SPACA7: variants seen among roughly 807,000 people sequenced by gnomAD.
SPACA7 encodes sperm acrosome-associated protein 7.
Under a neutral mutation model 26.3 loss-of-function variants are expected in SPACA7, and 19 were observed. That is an observed-to-expected ratio of 0.72 (90% confidence interval 0.50 to 1.06). The LOEUF (loss-of-function observed/expected upper bound fraction) is 1.06, where lower values mean the gene tolerates loss of function less well. SPACA7 is among the 50% of genes least tolerant of loss of function. SPACA7 has a pLI of 0.00. For synonymous variants in SPACA7, 84 were observed against 84.5 expected (o/e 0.99, Z 0.04); for missense variants, 211 against 229.9 (o/e 0.92, Z 0.53).
intron 5 of SPACA7, among the ~76,000 whole-genome samples, chr13:112,414,841 A>G (rs915237263): frequency 6.6e-6 from 1 of 152,226 alleles, no homozygotes; most frequent in East Asian, 1.9e-4. Flanking sequence ...TGACGGAGTC[A>G]TATTTTTCTG....
chr13:112,388,965 C>G (rs1884707093), intron 1 of SPACA7, among the ~76,000 whole-genome samples: 1 of 152,114 alleles, frequency 6.6e-6, no homozygotes, highest in Non-Finnish European at 1.5e-5. Flanking sequence ...GCCAGCTGAT[C>G]CATCAAGTGC....
chr13:112,398,945 A>C (rs1477707570), intron 3 of SPACA7, 121 bp from the exon 4 acceptor site: 12 of 671,772 alleles, frequency 1.8e-5, no homozygotes, highest in Non-Finnish European at 2.1e-5. Flanking sequence ...TTCCACATAG[A>C]GCTTGCAAAC....
chr13:112,422,407 A>G (rs1164194433), intron 5 of SPACA7, among the ~76,000 whole-genome samples: 2 of 152,222 alleles, frequency 1.3e-5, no homozygotes, highest in Non-Finnish European at 2.9e-5. Flanking sequence ...ATAAGGACAT[A>G]AAAGGCCAAA....
intron 1 of SPACA7, among the ~76,000 whole-genome samples, chr13:112,383,139 AAGAAAGAAAGAAAGAAAGAAAG>A (rs1566453300): frequency 5.7e-5 from 3 of 52,262 alleles, no homozygotes; most frequent in Non-Finnish European, 3.7e-5. Context: ...GAAAGAAAGA[AAGAAAGAAAGAAAGAAAGAAAG>A]AAAGAAAGAA....
At chr13:112,397,925 G>C (rs764644911) in intron 2 of SPACA7, 124 bp from the exon 3 acceptor site, 1 of 539,024 alleles carries the variant, frequency 1.9e-6, no homozygotes, top group Non-Finnish European at 3.2e-6. Flanking sequence ...TGGGTTCCCG[G>C]AGTTCCTGTT....
chr13:112,388,273 C>G (rs772088503), intron 1 of SPACA7, among the ~76,000 whole-genome samples: 13 of 152,174 alleles, frequency 8.5e-5, no homozygotes, highest in Non-Finnish European at 1.8e-4. Context: ...TGAGAAGTCT[C>G]CCAAACCAGG....
At position 112,432,280 on chromosome 13, in the gene SPACA7, G is replaced by A. The variant is rs117848947; in HGVS notation, c.446-164G>A. On this transcript the variant is annotated intron_variant, in intron 5 of 6. Transcript: ENST00000283550. ...TGGAGGAAATGTTTTTGATGGCCTC[G>A]CCTGAGGCTGTGTCTCGAGAAGCTG... is the stretch of plus-strand genomic sequence containing the variant. Among the ~76,000 whole-genome samples the A allele has an allele frequency of 2.8e-3, 419 of 152,318 alleles. 11 individuals carry two copies. The East Asian group carries it at 0.054, about 20-fold the overall frequency.
At position 112,432,448 on chromosome 13, in the gene SPACA7, G is replaced by A; in HGVS notation, c.450G>A (p.Lys150=). Residue 150 remains lysine (K), a synonymous_variant, in exon 6 of 7, where the codon AAG becomes AAA. Coordinates refer to ENST00000283550, the MANE Select transcript of SPACA7 (RefSeq NM_145248.5). ...GSEKSVSSKE[K]NSKNTQYENL... ...TACTTATTGTTTTCCCCACAGAAAA[G>A]AATTCAAAGAACACTCAGTATGAAA... The A allele has an allele frequency of 6.2e-7, 1 of 1,606,034 alleles. No individual in the cohort carries two copies. Among genetic ancestry groups the A allele is most frequent in the Non-Finnish European group, 8.5e-7 (1 of 1,172,676 alleles).
chr13:112,410,424 G>T (rs1021645582), intron 5 of SPACA7, among the ~76,000 whole-genome samples: 2 of 151,640 alleles, frequency 1.3e-5, no homozygotes, highest in Non-Finnish European at 2.9e-5. Context: ...TTTGTTGTTG[G>T]GTTTTAGGAG....
chr13:112,383,681 T>C lies in SPACA7; in HGVS notation c.94+7202T>C, dbSNP rs576317085. ...TGGGCCTGTTAGAAAGTGACATTTT[T>C]TATTTAGCACAGGTCAGGAACCTTG... On this transcript the variant is annotated intron_variant, in intron 1 of 6. Coordinates refer to ENST00000283550, the MANE Select transcript of SPACA7 (RefSeq NM_145248.5). 2.0e-4 allele frequency among the ~76,000 whole-genome samples: 31 copies of C among 152,346 alleles called. No individual in the cohort carries two copies. In the South Asian group the frequency reaches 6.4e-3, roughly 32 times the overall value.
intron 5 of SPACA7, among the ~76,000 whole-genome samples, chr13:112,423,049 T>A (rs2139051989): frequency 6.6e-6 from 1 of 152,310 alleles, no homozygotes; most frequent in South Asian, 2.1e-4. Context: ...AATTACTATA[T>A]TTTGTAAATA....
intron 1 of SPACA7, chr13:112,378,606 G>A (rs1350193909): frequency 4.3e-6 from 2 of 467,058 alleles, no homozygotes; most frequent in Non-Finnish European, 8.9e-6. Context: ...TTCACATGTG[G>A]TACCTAAAGA....
At chr13:112,405,520 G>A (rs1468599419) in intron 5 of SPACA7, among the ~76,000 whole-genome samples, 1 of 152,056 alleles carries the variant, frequency 6.6e-6, no homozygotes, top group African/African-American at 2.4e-5. Context: ...TTATTGCCCT[G>A]TGATCAGAAA....
chr13:112,388,095 TC>T (rs778128804), intron 1 of SPACA7, among the ~76,000 whole-genome samples: 5 of 152,110 alleles, frequency 3.3e-5, no homozygotes, highest in Non-Finnish European at 7.4e-5. Flanking sequence ...CTGCTGGACT[TC>T]CATCAGCAAC....
chr13:112,434,635 C>T lies in SPACA7; in HGVS notation c.*86C>T. 2 of 1,057,080 alleles carry T rather than the reference C, an allele frequency of 1.9e-6. No homozygotes were observed. Among genetic ancestry groups the T allele is most frequent in the Non-Finnish European group, 2.9e-6 (2 of 700,058 alleles). 65.5% of individuals were successfully genotyped at this position (1,057,080 alleles called of 1,614,324 possible). A position where few individuals can be genotyped will look rare whatever the true frequency, so the allele number is the denominator to read the frequency against. On this transcript the variant is annotated 3_prime_UTR_variant, in exon 7 of 7. Coordinates refer to ENST00000283550, the MANE Select transcript of SPACA7 (RefSeq NM_145248.5). The stretch of plus-strand genomic sequence containing the variant: ...CTCCGGAACAGGGCACTTGTGTGCA[C>T]ACGCCCACGTTCTCTGAACCATTCC...
chr13:112,403,297 A>T (rs1262575609), intron 5 of SPACA7, among the ~76,000 whole-genome samples: 1 of 152,176 alleles, frequency 6.6e-6, no homozygotes, highest in Admixed American at 6.5e-5. Flanking sequence ...ATTTTAAAAA[A>T]ACTTACTTGT....
intron 1 of SPACA7, among the ~76,000 whole-genome samples, chr13:112,383,115 GA>G (rs371326448): frequency 0.023 from 183 of 7,914 alleles, 2 homozygotes; most frequent in African/African-American, 0.036. Context: ...GAAAAGAAAA[GA>G]AAAGAAAAGA....
At chr13:112,386,734 T>C (rs528656397) in intron 1 of SPACA7, among the ~76,000 whole-genome samples, 217 of 152,306 alleles carry the variant, frequency 1.4e-3, no homozygotes, top group African/African-American at 5.1e-3. Flanking sequence ...ACCTTGTTTA[T>C]CCACTTTTAA....
Position 112,376,409 on chromosome 13 carries a change from G to A in SPACA7, c.24G>A (p.Gly8=), listed in dbSNP as rs912182331. The A allele has an allele frequency of 2.2e-5, 35 of 1,613,654 alleles. No homozygotes were observed. Among genetic ancestry groups the A allele is most frequent in the Non-Finnish European group, 2.9e-5 (34 of 1,179,892 alleles). The change falls in exon 1 of 7, where the codon GGG becomes GGA. Residue 8 remains glycine, a synonymous_variant. Coordinates refer to ENST00000283550, the MANE Select transcript of SPACA7 (RefSeq NM_145248.5). ...GCATGGCAGTGAGCCAAGGAGACGG[G>A]ACCCTCTGCTTTGTCCTCCTGCTGT... MAVSQGD[G]TLCFVLLLCC... is the part of the protein sequence containing the mutation.
Sources: gnomAD v4.1 joint callset for allele counts (sites outside exome capture counted in the v4.1 genomes callset) on GRCh38, gnomAD v4.1.1 for gene constraint, MANE v1.5 for transcripts, NCBI Gene and HGNC (gene_info 2026-07-23, HGNC 2026-07-21) for gene names.